The following ST6GALNAC3 variants were observed in gnomAD, a reference collection of about 807,000 sequenced individuals.
ST6GALNAC3 encodes the protein ST6 N-acetylgalactosaminide alpha-2,6-sialyltransferase 3.
A neutral mutation model predicts 32.7 loss-of-function variants in ST6GALNAC3; 25 were observed. That is an observed-to-expected ratio of 0.76 (90% confidence interval 0.56 to 1.07). ST6GALNAC3 has a LOEUF of 1.07. Ranked by LOEUF, ST6GALNAC3 falls within the 50% of genes least tolerant of loss-of-function variation. ST6GALNAC3 has a pLI of 0.00. For synonymous variants in ST6GALNAC3, 129 were observed against 133.1 expected, an observed-to-expected ratio of 0.97 and a Z score of 0.21; for missense variants, 355 against 382.4, an observed-to-expected ratio of 0.93 and a Z score of 0.60.
At chr1:76,237,017 CAGTT>C (rs1656694011) in intron 1 of ST6GALNAC3, among the ~76,000 whole-genome samples, 1 of 152,144 alleles carries the variant, frequency 6.6e-6, no homozygotes, top group Non-Finnish European at 1.5e-5. Flanking sequence ...AAAGAGCTCA[CAGTT>C]AGTTTAGAGA....
At chr1:76,220,005 T>C (rs1175872365) in intron 1 of ST6GALNAC3, among the ~76,000 whole-genome samples, 2 of 152,134 alleles carry the variant, frequency 1.3e-5, no homozygotes, top group Non-Finnish European at 2.9e-5. Context: ...GGCTTATTAT[T>C]GTTATCTGTA....
At chr1:76,538,906 T>A (rs543441276) in intron 3 of ST6GALNAC3, among the ~76,000 whole-genome samples, 1 of 152,118 alleles carries the variant, frequency 6.6e-6, no homozygotes, top group South Asian at 2.1e-4. Context: ...TCCTCATGGG[T>A]AGGAAGAATC....
intron 3 of ST6GALNAC3, among the ~76,000 whole-genome samples, chr1:76,453,766 G>A (rs758603443): frequency 2.0e-5 from 3 of 152,108 alleles, no homozygotes; most frequent in African/African-American, 4.8e-5. Flanking sequence ...TTCTTGGGTA[G>A]AATGTTCTGT....
intron 1 of ST6GALNAC3, among the ~76,000 whole-genome samples, chr1:76,113,184 C>T (rs908233493): frequency 2.0e-5 from 3 of 152,058 alleles, no homozygotes; most frequent in African/African-American, 4.8e-5. Flanking sequence ...AAAAAAAATA[C>T]GAAAACCAGT....
chr1:76,483,113 C>A (rs1167733589), intron 3 of ST6GALNAC3, among the ~76,000 whole-genome samples: 1 of 152,126 alleles, frequency 6.6e-6, no homozygotes, highest in Non-Finnish European at 1.5e-5. Flanking sequence ...TTTTCTTAAT[C>A]CAGTCTATCA....
intron 1 of ST6GALNAC3, among the ~76,000 whole-genome samples, chr1:76,086,196 T>G (rs1352071627): frequency 6.6e-6 from 1 of 152,176 alleles, no homozygotes; most frequent in Non-Finnish European, 1.5e-5. Context: ...GAATTAGGGG[T>G]GCAGGAAACA....
At chr1:76,256,375 A>C (rs186021756) in intron 1 of ST6GALNAC3, among the ~76,000 whole-genome samples, 1 of 152,282 alleles carries the variant, frequency 6.6e-6, no homozygotes, top group Non-Finnish European at 1.5e-5. Context: ...ACAAAAAGAC[A>C]CTGAAACTCA....
chr1:76,570,227 TATC>T (rs1348688119), intron 3 of ST6GALNAC3, among the ~76,000 whole-genome samples: 2 of 152,130 alleles, frequency 1.3e-5, no homozygotes, highest in African/African-American at 2.4e-5. Context: ...CTTTATAAAA[TATC>T]AACCTTTATG....
intron 3 of ST6GALNAC3, among the ~76,000 whole-genome samples, chr1:76,565,225 C>G (rs1452594553): frequency 6.6e-6 from 1 of 152,164 alleles, no homozygotes; most frequent in Non-Finnish European, 1.5e-5. Flanking sequence ...GCTCACCAAA[C>G]ACTGTCCTCC....
intron 1 of ST6GALNAC3, among the ~76,000 whole-genome samples, chr1:76,144,868 CCTT>C: frequency 6.6e-6 from 1 of 152,266 alleles, no homozygotes; most frequent in Admixed American, 6.5e-5. Context: ...GTGAGGGCCT[CCTT>C]TATTGGAGTC....
chr1:76,094,333 G>C (rs1009639323), intron 1 of ST6GALNAC3, among the ~76,000 whole-genome samples: 2 of 152,204 alleles, frequency 1.3e-5, no homozygotes, highest in African/African-American at 2.4e-5. Flanking sequence ...ATTGTGCTAA[G>C]TTAAGGAGTG....
intron 3 of ST6GALNAC3, among the ~76,000 whole-genome samples, chr1:76,596,056 C>T (rs1369805): frequency 0.2 from 29,821 of 151,988 alleles, 3,041 homozygotes; most frequent in Middle Eastern, 0.27. Flanking sequence ...CTATAATGCG[C>T]GGCCAAGGCT....
chr1:76,342,943 C>T (rs1288351472), intron 2 of ST6GALNAC3, among the ~76,000 whole-genome samples: 2 of 150,518 alleles, frequency 1.3e-5, no homozygotes, highest in African/African-American at 2.4e-5. Flanking sequence ...TTCTTGTTGA[C>T]TTAAGTTAAT....
rs551081585 is a variant in ST6GALNAC3, at chr1:76,371,562, A to G, written c.214-40446A>G. Among the ~76,000 whole-genome samples the G allele has an allele frequency of 2.0e-5, 3 of 152,322 alleles. No homozygotes were observed. In the South Asian group the frequency reaches 6.2e-4, roughly 32 times the overall value. On this transcript the variant is annotated intron_variant, in intron 2 of 4. Transcript: ENST00000328299. ...GAGGCCAGAAAGATAATAATGGAGA[A>G]GATCTATTTGGAAAGAGTGGTTGGG...
At chr1:76,077,087 C>T (rs1175453090) in intron 1 of ST6GALNAC3, among the ~76,000 whole-genome samples, 1 of 152,162 alleles carries the variant, frequency 6.6e-6, no homozygotes, top group Non-Finnish European at 1.5e-5. Flanking sequence ...ACACATGGAG[C>T]AGTGCAGAAT....
At chr1:76,501,551 A>G (rs768945639) in intron 3 of ST6GALNAC3, among the ~76,000 whole-genome samples, 5 of 152,210 alleles carry the variant, frequency 3.3e-5, no homozygotes, top group Non-Finnish European at 7.3e-5. Context: ...AGTGAATTGT[A>G]AGAGATGGGT....
chr1:76,511,375 C>T (rs1351249991), intron 3 of ST6GALNAC3, among the ~76,000 whole-genome samples: 1 of 152,146 alleles, frequency 6.6e-6, no homozygotes, highest in Non-Finnish European at 1.5e-5. Flanking sequence ...CGCCTCCTGG[C>T]AGGCAGCTGT....
intron 1 of ST6GALNAC3, among the ~76,000 whole-genome samples, chr1:76,267,936 G>C (rs190574073): frequency 6.6e-6 from 1 of 152,324 alleles, no homozygotes; most frequent in Non-Finnish European, 1.5e-5. Context: ...AGAAAAGGAA[G>C]TATATGATGT....
intron 3 of ST6GALNAC3, among the ~76,000 whole-genome samples, chr1:76,611,235 T>A (rs1479058531): frequency 4.6e-5 from 7 of 151,644 alleles, no homozygotes; most frequent in Non-Finnish European, 1.0e-4. Flanking sequence ...TATTAAATTT[T>A]AAAAATTATT....
Sources: gnomAD v4.1 joint callset for allele counts (sites outside exome capture counted in the v4.1 genomes callset) on GRCh38, gnomAD v4.1.1 for gene constraint, MANE v1.5 for transcripts, NCBI Gene and HGNC (gene_info 2026-07-23, HGNC 2026-07-21) for gene names.